The following SCNN1B variants were observed in gnomAD, a reference collection of about 807,000 sequenced individuals.
SCNN1B encodes the protein sodium channel epithelial 1 subunit beta.
Under a neutral mutation model 65.3 loss-of-function variants are expected in SCNN1B, and 46 were observed. That is an observed-to-expected ratio of 0.70 (90% CI 0.56 to 0.90). The LOEUF (loss-of-function observed/expected upper bound fraction) is 0.90, where lower values mean the gene tolerates loss of function less well. SCNN1B is among the 40% of genes least tolerant of loss of function. SCNN1B has a pLI of 0.00. For synonymous variants in SCNN1B, 349 were observed against 330.6 expected, an observed-to-expected ratio of 1.06 and a Z score of -0.60; for missense variants, 751 against 830.5, an observed-to-expected ratio of 0.90 and a Z score of 1.18.
In SCNN1B at chr16:23,377,343, A is replaced by T. The variant is rs1353595140; in HGVS notation, c.1361A>T (p.Lys454Met). The change falls in exon 10 of 13, where the codon AAG becomes ATG. Residue 454 changes from lysine (K) to methionine (M), a missense_variant. Coordinates refer to ENST00000343070, the MANE Select transcript of SCNN1B (RefSeq NM_000336.3). ...CKESCNDTQY[K>M]MTISMADWPS... Reference sequence around the variant, plus strand: ...TTCTCTTTCAGTGACACCCAGTACAAGATGACCATCTCCATGGCTGACTGG... The same window carrying T: ...TTCTCTTTCAGTGACACCCAGTACATGATGACCATCTCCATGGCTGACTGG... 3 of 1,614,056 alleles carry T rather than the reference A, an allele frequency of 1.9e-6. No homozygotes were observed. In the African/African-American group the frequency reaches 4.0e-5, roughly 22 times the overall value.
rs533396137 is a variant in SCNN1B at position 23,333,744 on chromosome 16, G to C, written c.-8-14848G>C. Among the ~76,000 whole-genome samples the C allele has an allele frequency of 4.2e-3, 644 of 152,190 alleles. 4 individuals are homozygous for C. The highest frequency in any genetic ancestry group is 8.1e-3 in the Non-Finnish European group (552 of 67,994). On this transcript the variant is annotated intron_variant, in intron 1 of 12. Coordinates refer to ENST00000343070, the MANE Select transcript of SCNN1B (RefSeq NM_000336.3). ...CCCAGCACTTTGGGAGGCCAAGGTG[G>C]GGGGATTGCTTGAGCCCAGGAGTTT...
intron 2 of SCNN1B, among the ~76,000 whole-genome samples, chr16:23,289,249 G>A (rs1343894671): frequency 6.6e-6 from 1 of 152,154 alleles, no homozygotes; most frequent in Non-Finnish European, 1.5e-5. Context: ...TTCTGGCTCT[G>A]TGTGGAGACT....
intron 1 of SCNN1B, among the ~76,000 whole-genome samples, chr16:23,278,803 G>A (rs1377455354): frequency 6.6e-6 from 1 of 151,928 alleles, no homozygotes; most frequent in East Asian, 1.9e-4. Context: ...AGCCCAGCTT[G>A]ATTGCATGCA....
chr16:23,363,747 G>A (rs979549232), intron 4 of SCNN1B, among the ~76,000 whole-genome samples: 1 of 151,432 alleles, frequency 6.6e-6, no homozygotes. Context: ...CCAGGAGTTT[G>A]AGGCTGCAGT....
intron 1 of SCNN1B, chr16:23,304,241 C>T: frequency 1.6e-6 from 1 of 636,138 alleles, no homozygotes; most frequent in Non-Finnish European, 2.7e-6. Context: ...ACATACGGAC[C>T]CATGAATGCA....
chr16:23,309,413 T>G (rs1267507922), intron 1 of SCNN1B, among the ~76,000 whole-genome samples: 1 of 86,214 alleles, frequency 1.2e-5, no homozygotes, highest in Non-Finnish European at 2.3e-5. Flanking sequence ...TAAATGATGA[T>G]AGATAGATAG....
intron 1 of SCNN1B, among the ~76,000 whole-genome samples, chr16:23,328,286 T>C (rs182060037): frequency 2.7e-3 from 407 of 152,296 alleles, no homozygotes; most frequent in Non-Finnish European, 5.0e-3. Flanking sequence ...ATCCAACCTG[T>C]GATTTTGTGG....
At chr16:23,287,716 C>T (rs2141969042) in intron 2 of SCNN1B, among the ~76,000 whole-genome samples, 1 of 152,132 alleles carries the variant, frequency 6.6e-6, no homozygotes, top group Non-Finnish European at 1.5e-5. Flanking sequence ...CACAATCCAG[C>T]CTGAATGACA....
chr16:23,280,400 T>A (rs1423230050), intron 1 of SCNN1B, among the ~76,000 whole-genome samples: 3 of 151,930 alleles, frequency 2.0e-5, no homozygotes, highest in Admixed American at 6.6e-5. Flanking sequence ...ATTTTTGTAT[T>A]TTTGGTAGAG....
In SCNN1B at chr16:23,331,516, C is replaced by T. The variant is rs564098213; in HGVS notation, c.-8-17076C>T. On this transcript the variant is annotated intron_variant, in intron 1 of 12. Transcript: ENST00000343070. ...ATTTTTGTATTTTTTTTAGTAGATCCGCCATGTTGGCCAGGCTGGTCTCGA... is the reference window on the plus strand; with the variant it reads ...ATTTTTGTATTTTTTTTAGTAGATCTGCCATGTTGGCCAGGCTGGTCTCGA... Among the ~76,000 whole-genome samples the T allele has an allele frequency of 3.2e-3, 480 of 151,866 alleles. 1 individual carries two copies. The highest frequency in any genetic ancestry group is 2.9e-3 in the Non-Finnish European group (200 of 67,970).
upstream of SCNN1B, among the ~76,000 whole-genome samples, chr16:23,298,646 T>A (rs35664777): frequency 0.011 from 1,731 of 152,264 alleles, 11 homozygotes; most frequent in African/African-American, 0.019. Context: ...CGATCCACAG[T>A]TCTAAACAGC....
At chr16:23,309,717 G>T (rs917638812) in intron 1 of SCNN1B, among the ~76,000 whole-genome samples, 5 of 152,148 alleles carry the variant, frequency 3.3e-5, no homozygotes, top group Non-Finnish European at 5.9e-5. Context: ...ATTAAGAGTG[G>T]GTCTGCCTTT....
rs371224749 is a variant in SCNN1B, at chr16:23,345,627, C to T, written c.-8-2965C>T. Among the ~76,000 whole-genome samples, 9 of 152,128 alleles carry T rather than the reference C, an allele frequency of 5.9e-5. No homozygotes were observed. In the South Asian group the frequency reaches 1.0e-3, roughly 18 times the overall value. On this transcript the variant is annotated intron_variant, in intron 1 of 12. Coordinates refer to ENST00000343070, the MANE Select transcript of SCNN1B (RefSeq NM_000336.3). Reference sequence around the variant, plus strand: ...TCTCCTTCAGTTATTCCAATATAAACGAATAGAATTGAGTCCTAATGTTCC... The same window carrying T: ...TCTCCTTCAGTTATTCCAATATAAATGAATAGAATTGAGTCCTAATGTTCC...
chr16:23,378,558 C>T (rs1252541188), intron 10 of SCNN1B, 148 bp from the exon 11 acceptor site: 1 of 746,396 alleles, frequency 1.3e-6, no homozygotes, highest in South Asian at 1.5e-5. Flanking sequence ...TCCACTACGA[C>T]CTTCCTCCTG....
intron 1 of SCNN1B, among the ~76,000 whole-genome samples, chr16:23,309,173 G>A (rs558248293): frequency 1.3e-5 from 2 of 152,190 alleles, no homozygotes; most frequent in African/African-American, 4.8e-5. Context: ...GGGAGCTGGT[G>A]GAGTTCCTAG....
At chr16:23,301,199 A>G (rs1848093301), upstream of SCNN1B, among the ~76,000 whole-genome samples, 1 of 151,992 alleles carries the variant, frequency 6.6e-6, no homozygotes, top group Non-Finnish European at 1.5e-5. Context: ...ACCCATCTCT[A>G]CAAAAAACAC....
chr16:23,333,721 C>T (rs1258343520), intron 1 of SCNN1B, among the ~76,000 whole-genome samples: 1 of 152,128 alleles, frequency 6.6e-6, no homozygotes, highest in Admixed American at 6.5e-5. Flanking sequence ...CTTGTAATCC[C>T]AGCACTTTGG....
chr16:23,376,235 G>A (rs959627180), intron 8 of SCNN1B, among the ~76,000 whole-genome samples: 1 of 152,224 alleles, frequency 6.6e-6, no homozygotes. Context: ...CCATGCTTGC[G>A]TCCAAATGCA....
At chr16:23,357,107 T>C (rs1962436845) in intron 4 of SCNN1B, among the ~76,000 whole-genome samples, 1 of 152,226 alleles carries the variant, frequency 6.6e-6, no homozygotes, top group Admixed American at 6.5e-5. Flanking sequence ...GGGCCTCCAA[T>C]GCTCACACTT....
Sources: allele counts gnomAD v4.1 joint callset (sites outside exome capture counted in the v4.1 genomes callset), GRCh38; gene constraint gnomAD v4.1.1; transcripts MANE v1.5; gene names NCBI Gene and HGNC (gene_info 2026-07-23, HGNC 2026-07-21).